The following HSPA14 variants were observed in gnomAD, a reference collection of about 807,000 sequenced individuals.
The protein encoded by HSPA14 is heat shock 70 kDa protein 14.
HSPA14 carries 37 observed loss-of-function variants against 65.5 expected under a neutral mutation model. That is an observed-to-expected ratio of 0.56 (90% CI 0.43 to 0.74). The LOEUF (loss-of-function observed/expected upper bound fraction) is 0.74. HSPA14 is among the 30% of genes least tolerant of loss of function. The probability of loss-of-function intolerance (pLI) is 0.00; values close to 1 mark genes in which losing one functional copy is unlikely to be tolerated. For synonymous variants in HSPA14, 203 were observed against 214.2 expected (o/e 0.95, Z 0.46); for missense variants, 564 against 607.6 (o/e 0.93, Z 0.75).
Position 14,838,364 on chromosome 10 carries a change from G to A in HSPA14, c.-39G>A. 6.4e-7 allele frequency: 1 copy of A among 1,572,962 alleles called. No homozygotes were observed. The highest frequency in any genetic ancestry group is 8.6e-7 in the Non-Finnish European group (1 of 1,161,554). ...GCGGCCGGTAGCTGTTGCTGTTGGG[G>A]GACCCCCTCATTCCTGCCGCTGCCG... On this transcript the variant is annotated 5_prime_UTR_variant, in exon 1 of 14. Coordinates refer to ENST00000378372, the MANE Select transcript of HSPA14 (RefSeq NM_016299.4).
At chr10:14,868,349 A>G (rs911686099) in intron 12 of HSPA14, among the ~76,000 whole-genome samples, 1 of 152,074 alleles carries the variant, frequency 6.6e-6, no homozygotes, top group South Asian at 2.1e-4. Flanking sequence ...TGCTCTTCCC[A>G]TTGTGCCATG....
chr10:14,867,603 T>C, intron 11 of HSPA14, 133 bp from the exon 12 acceptor site: 2 of 760,270 alleles, frequency 2.6e-6, no homozygotes, highest in Non-Finnish European at 4.3e-6. Flanking sequence ...GATTAAGGAT[T>C]ATTTCTATTT....
Position 14,842,692 on chromosome 10 carries a change from C to T in HSPA14, c.221+2535C>T, listed in dbSNP as rs971800307. On this transcript the variant is annotated intron_variant, in intron 3 of 13. Transcript: ENST00000378372. The surrounding 1 kb of genome is among the most constrained non-coding windows in gnomAD (Gnocchi z 5.2). The stretch of plus-strand genomic sequence containing the variant: ...CTGACGCCCCAGGGGAAGAGGGAAC[C>T]GGCATTCTAAAATCAAAAAGGACTC... The T allele has an allele frequency of 2.2e-5, 34 of 1,536,188 alleles. No individual in the cohort carries two copies. Among genetic ancestry groups the T allele is most frequent in the East Asian group, 4.9e-5 (2 of 40,924 alleles).
At chr10:14,845,176 C>A in intron 3 of HSPA14, 1 of 985,446 alleles carries the variant, frequency 1.0e-6, no homozygotes, top group Non-Finnish European at 1.2e-6. Flanking sequence ...TTCCGATTTA[C>A]TCTAGAAGGG....
intron 3 of HSPA14, 136 bp from the exon 4 acceptor site, chr10:14,848,473 T>C: frequency 1.7e-6 from 1 of 591,432 alleles, no homozygotes; most frequent in South Asian, 2.5e-5. Flanking sequence ...AGACTTTTAG[T>C]ATTAAGCAGC....
intron 3 of HSPA14, chr10:14,844,069 T>TGGAA: frequency 7.0e-7 from 1 of 1,428,712 alleles, no homozygotes; most frequent in Non-Finnish European, 9.1e-7. Flanking sequence ...CTCCACCAAA[T>TGGAA]GGAAGACCTT....
rs528646815 is a variant in HSPA14 at position 14,855,709 on chromosome 10, A to G, written c.891-132A>G. 5.1e-5 allele frequency: 29 copies of G among 571,202 alleles called. 1 individual carries two copies. Among genetic ancestry groups the G allele is most frequent in the South Asian group, 4.7e-4 (19 of 40,512 alleles). The allele number at this position is 571,202 out of a possible 1,614,324, so 35.4% of individuals were successfully genotyped here. On this transcript the variant is annotated intron_variant, in intron 9 of 13. Transcript: ENST00000378372. ...TGGTAAACCTGTCATTCAGAGAACT[A>G]TCATATTAAGTTTTGGCATTACTCT...
intron 10 of HSPA14, among the ~76,000 whole-genome samples, chr10:14,856,542 C>A (rs900823983): frequency 2.0e-5 from 3 of 152,076 alleles, no homozygotes; most frequent in Non-Finnish European, 4.4e-5. Flanking sequence ...AAAATTATTT[C>A]TCTTCATTGA....
chr10:14,844,184 G>A (rs547643635), intron 3 of HSPA14: 2 of 1,218,964 alleles, frequency 1.6e-6, no homozygotes, highest in East Asian at 4.8e-5. Context: ...CCTCCCTCCA[G>A]TGGTTTCCTC....
At chr10:14,853,100 T>G (rs1588812971) in intron 8 of HSPA14, among the ~76,000 whole-genome samples, 1 of 149,758 alleles carries the variant, frequency 6.7e-6, no homozygotes, top group Non-Finnish European at 1.5e-5. Flanking sequence ...AAAAAAAAAG[T>G]GTAATTGAAA....
chr10:14,848,704 C>G (rs186835892), intron 4 of HSPA14, 47 bp downstream of exon 4: 1 of 1,491,808 alleles, frequency 6.7e-7, no homozygotes, highest in Admixed American at 1.7e-5. Flanking sequence ...GAGTAATTAC[C>G]AAGGTGATAA....
chr10:14,851,967 G>A (rs1202001151), intron 7 of HSPA14, among the ~76,000 whole-genome samples: 1 of 152,136 alleles, frequency 6.6e-6, no homozygotes, highest in Non-Finnish European at 1.5e-5. Flanking sequence ...GGGGAATCGG[G>A]AATTAGCTCC....
At chr10:14,849,342 G>A (rs1834089781) in intron 5 of HSPA14, 1 of 475,838 alleles carries the variant, frequency 2.1e-6, no homozygotes, top group East Asian at 6.5e-5. Context: ...CTTCAGCCCT[G>A]TAATGATGTT....
chr10:14,845,196 C>T (rs1359957277), intron 3 of HSPA14: 15 of 985,398 alleles, frequency 1.5e-5, no homozygotes, highest in South Asian at 4.7e-5. Flanking sequence ...GAAGACATTA[C>T]TCTCTGTCAT....
chr10:14,868,390 T>C (rs1054306565), intron 12 of HSPA14, among the ~76,000 whole-genome samples: 2 of 152,164 alleles, frequency 1.3e-5, no homozygotes, highest in Admixed American at 6.5e-5. Context: ...GTTTGCTTTT[T>C]TAAAATACCG....
intron 3 of HSPA14, among the ~76,000 whole-genome samples, chr10:14,847,698 A>G (rs1326173439): frequency 2.0e-5 from 3 of 152,216 alleles, no homozygotes; most frequent in African/African-American, 4.8e-5. Flanking sequence ...ATTAGCCACT[A>G]TTAATTTTCA....
At chr10:14,840,338 C>G (rs548752276) in intron 3 of HSPA14, among the ~76,000 whole-genome samples, 181 bp downstream of exon 3, 1 of 152,140 alleles carries the variant, frequency 6.6e-6, no homozygotes, top group African/African-American at 2.4e-5. Context: ...TGGATCTTCT[C>G]TGATATGGGA....
chr10:14,845,910 A>ATT, intron 3 of HSPA14: 1 of 561,772 alleles, frequency 1.8e-6, no homozygotes, highest in Non-Finnish European at 2.3e-6. Flanking sequence ...TTTGTATTAG[A>ATT]TTTTTTTTTT....
chr10:14,863,700 T>A (rs1421519778), intron 10 of HSPA14, among the ~76,000 whole-genome samples: 1 of 152,130 alleles, frequency 6.6e-6, no homozygotes, highest in Non-Finnish European at 1.5e-5. Flanking sequence ...CCTCTTCTTT[T>A]TTGCCTTCTC....
Sources: gnomAD v4.1 joint callset for allele counts (sites outside exome capture counted in the v4.1 genomes callset) on GRCh38, gnomAD v4.1.1 for gene constraint, Gnocchi (gnomAD v3.1) non-coding constraint, MANE v1.5 for transcripts, NCBI Gene and HGNC (gene_info 2026-07-23, HGNC 2026-07-21) for gene names.